ANKS1B: variants seen among roughly 807,000 people sequenced by gnomAD.
ANKS1B encodes ankyrin repeat and sterile alpha motif domain-containing protein 1B.
In ANKS1B, 36 loss-of-function variants were observed where a neutral mutation model predicts 148.3. The observed-to-expected ratio is 0.24, with a 90% confidence interval of 0.19 to 0.32. The LOEUF (loss-of-function observed/expected upper bound fraction) is 0.32, where lower values mean the gene tolerates loss of function less well. Among genes scored for constraint, ANKS1B ranks in the 10% least tolerant of loss-of-function variants. The pLI is 1.00. For missense variants in ANKS1B, 1,157 were observed against 1,542.6 expected (o/e 0.75, Z 4.19); for synonymous variants, 542 against 560.8 (o/e 0.97, Z 0.47).
chr12:99,413,698 T>C (rs2094797338), intron 11 of ANKS1B, among the ~76,000 whole-genome samples: 1 of 152,210 alleles, frequency 6.6e-6, no homozygotes, highest in Non-Finnish European at 1.5e-5. Flanking sequence ...TATAGAGGTA[T>C]CTGACTATGA....
At chr12:98,782,470 A>T (rs2098747202) in intron 22 of ANKS1B, among the ~76,000 whole-genome samples, 1 of 152,216 alleles carries the variant, frequency 6.6e-6, no homozygotes, top group African/African-American at 2.4e-5. Context: ...TCAGGAAAAA[A>T]TAGAAACTTT....
intron 12 of ANKS1B, among the ~76,000 whole-genome samples, chr12:99,359,745 G>T (rs1027805865): frequency 6.6e-6 from 1 of 151,968 alleles, no homozygotes; most frequent in African/African-American, 2.4e-5. Flanking sequence ...TTCAAGTATC[G>T]ATCAACATTT....
intron 17 of ANKS1B, among the ~76,000 whole-genome samples, chr12:99,011,741 A>G: frequency 6.6e-6 from 1 of 152,250 alleles, no homozygotes; most frequent in Admixed American, 6.5e-5. Flanking sequence ...TTGGGGCACA[A>G]TAGTCACAAA....
intron 3 of ANKS1B, among the ~76,000 whole-genome samples, chr12:99,807,563 G>A (rs1421550313): frequency 6.6e-6 from 1 of 152,032 alleles, no homozygotes; most frequent in Non-Finnish European, 1.5e-5. Flanking sequence ...CGTAAATGAG[G>A]GTTCTGGAAA....
chr12:99,917,078 C>T (rs917373666), intron 1 of ANKS1B, among the ~76,000 whole-genome samples: 5 of 152,288 alleles, frequency 3.3e-5, no homozygotes, highest in African/African-American at 1.2e-4. Context: ...TCAGGCAGAG[C>T]TTCATAACTT....
At chr12:98,851,039 G>C (rs527282064) in intron 17 of ANKS1B, among the ~76,000 whole-genome samples, 5 of 152,308 alleles carry the variant, frequency 3.3e-5, no homozygotes, top group South Asian at 4.1e-4. Flanking sequence ...CAGTACTACA[G>C]TTCTAAGTTC....
chr12:99,105,956 A>C (rs940363001), intron 15 of ANKS1B, among the ~76,000 whole-genome samples: 1 of 152,104 alleles, frequency 6.6e-6, no homozygotes, highest in Non-Finnish European at 1.5e-5. Flanking sequence ...TCAGGTCAAG[A>C]CCCAATTTTG....
intron 9 of ANKS1B, among the ~76,000 whole-genome samples, chr12:99,639,798 C>T (rs927372114): frequency 6.6e-6 from 1 of 152,168 alleles, no homozygotes. Flanking sequence ...TCAATTGAAC[C>T]TCTTTCCTTT....
intron 1 of ANKS1B, among the ~76,000 whole-genome samples, chr12:99,974,994 AT>A: frequency 6.6e-6 from 1 of 152,110 alleles, no homozygotes. Context: ...ATAAAAAAAA[AT>A]CAAAAAATTG....
intron 10 of ANKS1B, among the ~76,000 whole-genome samples, chr12:99,449,905 ATC>A (rs2095700743): frequency 3.4e-5 from 1 of 29,116 alleles, no homozygotes; most frequent in African/African-American, 2.1e-4. Flanking sequence ...CTATCTATCT[ATC>A]TATCTATCTA....
chr12:99,409,642 C>T (rs1354032536), intron 11 of ANKS1B, among the ~76,000 whole-genome samples: 1 of 151,404 alleles, frequency 6.6e-6, no homozygotes, highest in African/African-American at 2.4e-5. Context: ...CTACTATGTA[C>T]CCCAAAAAAC....
At chr12:99,798,234 G>A (rs1473816964) in intron 4 of ANKS1B, among the ~76,000 whole-genome samples, 1 of 151,740 alleles carries the variant, frequency 6.6e-6, no homozygotes, top group Non-Finnish European at 1.5e-5. Context: ...TTGTGGTGAC[G>A]ATCAGCAGAG....
intron 10 of ANKS1B, among the ~76,000 whole-genome samples, chr12:99,467,152 T>C (rs930028396): frequency 6.6e-6 from 1 of 152,128 alleles, no homozygotes; most frequent in Admixed American, 6.5e-5. Flanking sequence ...AATCAATAAA[T>C]GTAATCCAGC....
chr12:99,378,652 C>CAAAAAAAAAA (rs140892353), intron 12 of ANKS1B, among the ~76,000 whole-genome samples: 6 of 90,682 alleles, frequency 6.6e-5, no homozygotes, highest in South Asian at 4.1e-4. Context: ...GACTCCATCT[C>CAAAAAAAAAA]AAAAAAAAAA....
intron 17 of ANKS1B, among the ~76,000 whole-genome samples, chr12:98,983,205 A>G (rs1005151363): frequency 6.6e-6 from 1 of 152,186 alleles, no homozygotes; most frequent in African/African-American, 2.4e-5. Context: ...ACTCTTATCT[A>G]GAGGCGCTGT....
At chr12:99,654,983 T>C in intron 9 of ANKS1B, 84 bp downstream of exon 9, 1 of 1,406,526 alleles carries the variant, frequency 7.1e-7, no homozygotes, top group Non-Finnish European at 9.5e-7. Flanking sequence ...CCTAATTTGA[T>C]TTTCGAAGGG....
At chr12:98,803,270 G>A (rs1019631383) in intron 20 of ANKS1B, among the ~76,000 whole-genome samples, 1 of 152,136 alleles carries the variant, frequency 6.6e-6, no homozygotes, top group African/African-American at 2.4e-5. Context: ...TAACCTTTAA[G>A]TGATAATAGC....
In ANKS1B at chr12:99,376,642, A is replaced by G. The variant is rs561743659; in HGVS notation, c.1756+22989T>C. On this transcript the variant is annotated intron_variant, in intron 12 of 26. Coordinates refer to ENST00000683438, the MANE Select transcript of ANKS1B (RefSeq NM_001352186.2). ...AATGTTCCTGATGAAATTAAATTGC[A>G]TGGTTCAAGTAATGGGCTACTCTCC... Among the ~76,000 whole-genome samples, 4 of 152,334 alleles carry G rather than the reference A, an allele frequency of 2.6e-5. No homozygotes were observed. In the East Asian group the frequency reaches 5.8e-4, roughly 22 times the overall value.
At chr12:99,661,154 T>C (rs1325331031) in intron 8 of ANKS1B, among the ~76,000 whole-genome samples, 1 of 152,138 alleles carries the variant, frequency 6.6e-6, no homozygotes, top group Non-Finnish European at 1.5e-5. Context: ...ACAAGTTTTA[T>C]TGAGGTCTAA....
Sources: gnomAD v4.1 joint callset for allele counts (sites outside exome capture counted in the v4.1 genomes callset) on GRCh38, gnomAD v4.1.1 for gene constraint, MANE v1.5 for transcripts, NCBI Gene and HGNC (gene_info 2026-07-23, HGNC 2026-07-21) for gene names.